Variants in SLC8A1 observed in about 807,000 individuals in gnomAD.
The protein encoded by SLC8A1 is sodium/calcium exchanger 1.
SLC8A1 carries 18 observed loss-of-function variants against 68.3 expected under a neutral mutation model. The ratio of observed to expected loss-of-function variants is 0.26; its 90% CI spans 0.18 to 0.39. SLC8A1 has a LOEUF of 0.39. Among genes scored for constraint, SLC8A1 ranks in the 10% least tolerant of loss-of-function variants. The pLI is 1.00. For synonymous variants in SLC8A1, 475 were observed against 415.5 expected, an observed-to-expected ratio of 1.14 and a Z score of -1.74; for missense variants, 985 against 1,156.7, an observed-to-expected ratio of 0.85 and a Z score of 2.15.
chr2:40,419,951 A>C (rs1695016420), intron 2 of SLC8A1, among the ~76,000 whole-genome samples: 2 of 152,174 alleles, frequency 1.3e-5, no homozygotes, highest in African/African-American at 4.8e-5. Flanking sequence ...AAATTTAATA[A>C]AACCACCTTG....
rs146911195 is a variant in SLC8A1, at chr2:40,429,969, T to C, written c.312A>G (p.Glu104=). The change falls in exon 2 of 8, where the codon GAA becomes GAG. Residue 104 remains glutamate, a synonymous_variant. Transcript: ENST00000406785. ...TTTCTTTTTCTTGAGATGTGATGAC[T>C]TCTATAGAGGACATGAACCGATCAG... 12 of 1,613,756 alleles carry C rather than the reference T, an allele frequency of 7.4e-6. No individual in the cohort carries two copies. The African/African-American group carries it at 1.3e-4, about 18-fold the overall frequency.
intron 2 of SLC8A1, among the ~76,000 whole-genome samples, chr2:40,345,027 G>A (rs936749207): frequency 2.6e-5 from 4 of 152,152 alleles, no homozygotes; most frequent in African/African-American, 9.7e-5. Flanking sequence ...AGTGACAAGA[G>A]GCTATAAGCC....
At chr2:40,230,245 T>TCTTC (rs1369531984) in intron 2 of SLC8A1, among the ~76,000 whole-genome samples, 1 of 152,180 alleles carries the variant, frequency 6.6e-6, no homozygotes, top group Non-Finnish European at 1.5e-5. Context: ...ATGTGTCTTG[T>TCTTC]CTTCCCCTAC....
At chr2:40,477,707 T>C (rs1704375162) in intron 1 of SLC8A1, among the ~76,000 whole-genome samples, 1 of 152,100 alleles carries the variant, frequency 6.6e-6, no homozygotes, top group Non-Finnish European at 1.5e-5. Flanking sequence ...GAGTGTGTTT[T>C]TGTGTGAGTT....
At position 40,278,467 on chromosome 2, in the gene SLC8A1, CAAACAAAACAAAACA is replaced by C. The variant is rs149146644; in HGVS notation, c.1809-100627_1809-100613del. On this transcript the variant is annotated intron_variant, in intron 2 of 7. Transcript: ENST00000406785. ...CTGGCGACAGAGCGAGACTCTGTCT[CAAACAAAACAAAACA>C]AAACAAAACAAAACAAAACAAAAAG... Among the ~76,000 whole-genome samples the C allele has an allele frequency of 2.2e-4, 33 of 150,760 alleles. No homozygotes were observed. In the East Asian group the frequency reaches 2.5e-3, roughly 12 times the overall value.
intron 6 of SLC8A1, among the ~76,000 whole-genome samples, chr2:40,154,520 G>A (rs2044096190): frequency 7.2e-6 from 1 of 138,234 alleles, no homozygotes; most frequent in South Asian, 2.3e-4. Flanking sequence ...GTAGAGATGG[G>A]GTTTCACCGT....
At chr2:40,322,946 T>C (rs1294296562) in intron 2 of SLC8A1, among the ~76,000 whole-genome samples, 3 of 152,086 alleles carry the variant, frequency 2.0e-5, no homozygotes, top group Non-Finnish European at 2.9e-5. Flanking sequence ...TAGAGACATA[T>C]TTAGCGTTGT....
chr2:40,344,885 A>C (rs1313603549), intron 2 of SLC8A1, among the ~76,000 whole-genome samples: 1 of 152,158 alleles, frequency 6.6e-6, no homozygotes, highest in Non-Finnish European at 1.5e-5. Flanking sequence ...CTCAGGGTAC[A>C]TATACTTCCC....
chr2:40,184,556 G>A (rs1192009760), intron 2 of SLC8A1, among the ~76,000 whole-genome samples: 1 of 152,188 alleles, frequency 6.6e-6, no homozygotes, highest in Non-Finnish European at 1.5e-5. Context: ...TCTCAAGAAA[G>A]TGATGGGAGC....
At chr2:40,329,560 G>C (rs933306547) in intron 2 of SLC8A1, among the ~76,000 whole-genome samples, 2 of 152,170 alleles carry the variant, frequency 1.3e-5, no homozygotes, top group African/African-American at 2.4e-5. Context: ...GATGGAAAGA[G>C]AAAAGGATTT....
intron 7 of SLC8A1, chr2:40,118,607 G>GTTTTTTTTT (rs67851517): frequency 8.0e-5 from 6 of 74,712 alleles, no homozygotes; most frequent in Admixed American, 2.3e-4. Flanking sequence ...AAAAAAGGAA[G>GTTTTTTTTT]TTTTTTTTTT....
At position 40,508,672 on chromosome 2, in the gene SLC8A1, A is replaced by T. The variant is rs554070056; in HGVS notation, c.-25+3677T>A. Among the ~76,000 whole-genome samples the T allele has an allele frequency of 1.1e-3, 162 of 152,318 alleles. 7 individuals carry two copies. In the South Asian group the frequency reaches 0.033, roughly 31 times the overall value. On this transcript the variant is annotated intron_variant, in intron 1 of 7. Transcript: ENST00000402441. ...CTTTTAAACATGCTGAAACTTTTAAAATAAGGATTCTGTTAGCAAAGAATA... is the reference window on the plus strand; with the variant it reads ...CTTTTAAACATGCTGAAACTTTTAATATAAGGATTCTGTTAGCAAAGAATA...
At chr2:40,097,429 T>C (rs1431279514) in exon 8 of SLC8A1, 2 of 152,156 alleles carry the variant, frequency 1.3e-5, no homozygotes, top group East Asian at 3.9e-4. Flanking sequence ...CATACATGTA[T>C]GACAAACAAT....
intron 2 of SLC8A1, among the ~76,000 whole-genome samples, chr2:40,184,192 C>A (rs564827870): frequency 6.6e-6 from 1 of 152,094 alleles, no homozygotes; most frequent in Non-Finnish European, 1.5e-5. Context: ...ATCAATCAAC[C>A]AATAAAAATG....
At chr2:40,312,105 G>A (rs1291776986) in intron 2 of SLC8A1, among the ~76,000 whole-genome samples, 5 of 151,978 alleles carry the variant, frequency 3.3e-5, no homozygotes, top group Non-Finnish European at 7.4e-5. Flanking sequence ...CAAGCTTCAG[G>A]CTGACTACAT....
rs535910761 is a variant in SLC8A1 at position 40,366,649 on chromosome 2, G to A, written c.1808+61824C>T. Among the ~76,000 whole-genome samples the A allele has an allele frequency of 2.6e-5, 4 of 152,060 alleles. No individual in the cohort carries two copies. In the South Asian group the frequency reaches 8.3e-4, roughly 32 times the overall value. ...CTCAAGGTCATTTAGATGGTTTGGA[G>A]GAAAACACAGATCAAAAATTTGGTC... On this transcript the variant is annotated intron_variant, in intron 2 of 7. Coordinates refer to ENST00000406785, the Ensembl canonical transcript of SLC8A1.
At chr2:40,185,702 A>C (rs1193432431) in intron 2 of SLC8A1, among the ~76,000 whole-genome samples, 1 of 152,196 alleles carries the variant, frequency 6.6e-6, no homozygotes, top group Non-Finnish European at 1.5e-5. Flanking sequence ...TTCTGAGGAC[A>C]TATAAAAACC....
At chr2:40,377,259 C>G (rs2149532427) in intron 2 of SLC8A1, among the ~76,000 whole-genome samples, 1 of 152,130 alleles carries the variant, frequency 6.6e-6, no homozygotes, top group East Asian at 2.0e-4. Flanking sequence ...ACCATGAAGT[C>G]TATGGATTCG....
At chr2:40,264,511 T>C (rs1243763727) in intron 2 of SLC8A1, among the ~76,000 whole-genome samples, 2 of 152,176 alleles carry the variant, frequency 1.3e-5, no homozygotes, top group Non-Finnish European at 1.5e-5. Context: ...CATGGAATAC[T>C]ATGCAGCCAT....
Sources: allele counts gnomAD v4.1 joint callset (sites outside exome capture counted in the v4.1 genomes callset), GRCh38; gene constraint gnomAD v4.1.1; transcripts MANE v1.5; gene names NCBI Gene and HGNC (gene_info 2026-07-23, HGNC 2026-07-21).